Variants in RBFOX1 observed in about 807,000 individuals in gnomAD.
The protein encoded by RBFOX1 is RNA binding fox-1 homolog 1, also known as RNA binding protein fox-1 homolog 1.
A neutral mutation model predicts 57.7 loss-of-function variants in RBFOX1; 8 were observed. That is an observed-to-expected ratio of 0.14 (90% confidence interval 0.08 to 0.25). RBFOX1 has a LOEUF of 0.25. Among genes scored for constraint, RBFOX1 ranks in the 10% least tolerant of loss-of-function variants. RBFOX1 has a pLI of 1.00. For synonymous variants in RBFOX1, 326 were observed against 222.4 expected, an observed-to-expected ratio of 1.47 and a Z score of -4.15; for missense variants, 611 against 548.5, an observed-to-expected ratio of 1.11 and a Z score of -1.14.
intron 2 of RBFOX1, among the ~76,000 whole-genome samples, chr16:6,614,434 A>G (rs1275356118): frequency 6.6e-6 from 1 of 152,250 alleles, no homozygotes; most frequent in Non-Finnish European, 1.5e-5. Context: ...GAATAAAAGC[A>G]GACCTGCTTT....
At chr16:6,894,306 G>A (rs1024420042) in intron 3 of RBFOX1, among the ~76,000 whole-genome samples, 4 of 152,122 alleles carry the variant, frequency 2.6e-5, no homozygotes, top group African/African-American at 9.7e-5. Flanking sequence ...GGTCTGTTGT[G>A]CGTTTGAAAT....
chr16:7,501,860 C>T (rs1375308535), intron 4 of RBFOX1, among the ~76,000 whole-genome samples: 1 of 152,170 alleles, frequency 6.6e-6, no homozygotes, highest in Non-Finnish European at 1.5e-5. Flanking sequence ...TATTCTATGA[C>T]TCCTGCCAGC....
intron 7 of RBFOX1, among the ~76,000 whole-genome samples, chr16:7,589,577 G>C (rs1163622772): frequency 6.6e-6 from 1 of 151,774 alleles, no homozygotes; most frequent in Non-Finnish European, 1.5e-5. Flanking sequence ...GAAAGAGCTT[G>C]TCTTGCAGGT....
chr16:7,334,354 G>A (rs528225602), intron 4 of RBFOX1, among the ~76,000 whole-genome samples: 4 of 152,176 alleles, frequency 2.6e-5, no homozygotes, highest in South Asian at 2.1e-4. Flanking sequence ...TACACAGGCC[G>A]GTATGATAAG....
At chr16:6,556,929 C>T (rs1053605603) in intron 2 of RBFOX1, among the ~76,000 whole-genome samples, 1 of 150,334 alleles carries the variant, frequency 6.7e-6, no homozygotes, top group Non-Finnish European at 1.5e-5. Context: ...TTTTGTCATC[C>T]ATTGCTGAGC....
At chr16:6,813,775 C>T (rs1314539204) in intron 3 of RBFOX1, among the ~76,000 whole-genome samples, 1 of 152,208 alleles carries the variant, frequency 6.6e-6, no homozygotes, top group South Asian at 2.1e-4. Context: ...TGGCAGCAGG[C>T]ACCTGCAGAG....
In RBFOX1 at chr16:7,265,476, T is replaced by C. The variant is rs919832793; in HGVS notation, c.27+213378T>C. On this transcript the variant is annotated intron_variant, in intron 4 of 15. Transcript: ENST00000550418. ...ATTTATTTGTTTATTTTAGATGTAGTCTTGCTCTGTCACCCAGGCTGGAGT... is the reference window on the plus strand; with the variant it reads ...ATTTATTTGTTTATTTTAGATGTAGCCTTGCTCTGTCACCCAGGCTGGAGT... Among the ~76,000 whole-genome samples, 63 of 152,178 alleles carry C rather than the reference T, an allele frequency of 4.1e-4. 2 individuals carry two copies. The highest frequency in any genetic ancestry group is 2.9e-5 in the Non-Finnish European group (2 of 68,040).
chr16:7,089,596 A>C (rs919704000), intron 4 of RBFOX1, among the ~76,000 whole-genome samples: 1 of 152,166 alleles, frequency 6.6e-6, no homozygotes, highest in African/African-American at 2.4e-5. Flanking sequence ...TGAGTTGTTA[A>C]GTAGTGTCTG....
intron 3 of RBFOX1, among the ~76,000 whole-genome samples, chr16:6,961,114 G>A (rs1484363909): frequency 5.2e-5 from 5 of 96,126 alleles, no homozygotes; most frequent in African/African-American, 2.0e-4. Context: ...CTGCATTCCA[G>A]CCTGGGCAAT....
At chr16:5,874,379 G>A (rs1253462776) in intron 4 of RBFOX1, among the ~76,000 whole-genome samples, 8 of 152,208 alleles carry the variant, frequency 5.3e-5, no homozygotes, top group Non-Finnish European at 1.2e-4. Flanking sequence ...AGGATACGAT[G>A]GTGGGGCACA....
chr16:6,893,662 GA>G (rs2066061380), intron 3 of RBFOX1, among the ~76,000 whole-genome samples: 1 of 152,162 alleles, frequency 6.6e-6, no homozygotes, highest in African/African-American at 2.4e-5. Context: ...ATTGGCCAGA[GA>G]AGCCCAGAAC....
At position 5,559,569 on chromosome 16, in the gene RBFOX1, C is replaced by A. The variant is rs558673585; in HGVS notation, c.259-39333C>A. Among the ~76,000 whole-genome samples the A allele has an allele frequency of 2.0e-4, 30 of 152,330 alleles. No homozygotes were observed. The East Asian group carries it at 5.4e-3, about 27-fold the overall frequency. Reference sequence around the variant, plus strand: ...ACCAGGGGAGATTGATCCACACCTCCTTCCTTGAACCTGGCCTGGTTCCCC... The same window carrying A: ...ACCAGGGGAGATTGATCCACACCTCATTCCTTGAACCTGGCCTGGTTCCCC... On this transcript the variant is annotated intron_variant, in intron 2 of 2. Transcript: ENST00000585867.
intron 4 of RBFOX1, among the ~76,000 whole-genome samples, chr16:5,962,662 C>G (rs905239014): frequency 4.6e-5 from 7 of 152,078 alleles, no homozygotes; most frequent in South Asian, 2.1e-4. Context: ...TGAGAAATGG[C>G]TAACAGATCG....
intron 2 of RBFOX1, among the ~76,000 whole-genome samples, chr16:6,475,614 A>G (rs543038692): frequency 9.8e-5 from 15 of 152,332 alleles, no homozygotes; most frequent in South Asian, 4.1e-4. Context: ...TCCCATCTCA[A>G]TATGCTTCAT....
chr16:7,060,859 G>A (rs2054024444), intron 4 of RBFOX1, among the ~76,000 whole-genome samples: 2 of 152,146 alleles, frequency 1.3e-5, no homozygotes, highest in South Asian at 2.1e-4. Flanking sequence ...CTGTAAGCAT[G>A]AATACCATTC....
intron 1 of RBFOX1, among the ~76,000 whole-genome samples, chr16:5,241,362 A>G (rs1187505962): frequency 6.6e-6 from 1 of 152,162 alleles, no homozygotes; most frequent in Non-Finnish European, 1.5e-5. Flanking sequence ...AAAGGATGAG[A>G]CACAATTACG....
intron 3 of RBFOX1, among the ~76,000 whole-genome samples, chr16:6,956,361 T>C (rs2081841659): frequency 6.6e-6 from 1 of 152,126 alleles, no homozygotes; most frequent in Non-Finnish European, 1.5e-5. Context: ...GCTGCTGGAG[T>C]TCTTCAGTGT....
At chr16:5,491,809 G>A (rs917315120) in intron 2 of RBFOX1, among the ~76,000 whole-genome samples, 3 of 152,180 alleles carry the variant, frequency 2.0e-5, no homozygotes. Flanking sequence ...TTGTTCTCAA[G>A]CCTAGCTGCA....
rs115689314 is a variant in RBFOX1 at position 5,889,535 on chromosome 16, G to C, written c.351+22200G>C. ...AGTGCTGCAATGAACATACATGTGT[G>C]TGTACCTTTATAATAGAATGATTGA... On this transcript the variant is annotated intron_variant, in intron 4 of 19. Transcript: ENST00000641259. 2.0e-3 allele frequency among the ~76,000 whole-genome samples: 311 copies of C among 152,298 alleles called. 1 individual carries two copies. Among genetic ancestry groups the C allele is most frequent in the African/African-American group, 7.2e-3 (301 of 41,560 alleles).
Sources: gnomAD v4.1 joint callset for allele counts (sites outside exome capture counted in the v4.1 genomes callset) on GRCh38, gnomAD v4.1.1 for gene constraint, MANE v1.5 for transcripts, NCBI Gene and HGNC (gene_info 2026-07-23, HGNC 2026-07-21) for gene names.